The following ARHGAP10 variants were observed in gnomAD, a reference collection of about 807,000 sequenced individuals.
The protein encoded by ARHGAP10 is rho GTPase-activating protein 10.
In ARHGAP10, 87 loss-of-function variants were observed where a neutral mutation model predicts 108.6. The ratio of observed to expected loss-of-function variants is 0.80; its 90% CI spans 0.67 to 0.96. The LOEUF (loss-of-function observed/expected upper bound fraction) is 0.96, where lower values mean the gene tolerates loss of function less well. ARHGAP10 is among the 40% of genes least tolerant of loss of function. The pLI is 0.00. For missense variants in ARHGAP10, 939 were observed against 954.5 expected (o/e 0.98, Z 0.21); for synonymous variants, 347 against 341.1 (o/e 1.02, Z -0.19).
chr4:148,023,459 T>C, intron 19 of ARHGAP10, 46 bp downstream of exon 19: 1 of 1,580,072 alleles, frequency 6.3e-7, no homozygotes, highest in Non-Finnish European at 8.6e-7. Flanking sequence ...GTTGAGAGTA[T>C]GGCGTATCAT....
chr4:147,881,211 T>G (rs1735314290), intron 9 of ARHGAP10, among the ~76,000 whole-genome samples: 1 of 151,880 alleles, frequency 6.6e-6, no homozygotes, highest in Admixed American at 6.6e-5. Context: ...ATTCGGAGTT[T>G]GCAGTGAGCT....
intron 14 of ARHGAP10, among the ~76,000 whole-genome samples, chr4:147,941,843 C>T (rs561099160): frequency 2.0e-5 from 3 of 152,232 alleles, no homozygotes; most frequent in African/African-American, 7.2e-5. Flanking sequence ...TTGCTATTTC[C>T]TAATCACTTA....
chr4:147,886,896 G>C (rs1735590984), intron 10 of ARHGAP10, among the ~76,000 whole-genome samples: 1 of 152,104 alleles, frequency 6.6e-6, no homozygotes, highest in African/African-American at 2.4e-5. Flanking sequence ...TTAGCCTCCT[G>C]AGTAGCTGGG....
At chr4:148,039,119 T>C (rs1247033431) in intron 19 of ARHGAP10, among the ~76,000 whole-genome samples, 1 of 152,154 alleles carries the variant, frequency 6.6e-6, no homozygotes, top group Non-Finnish European at 1.5e-5. Context: ...CCTTTTCTTT[T>C]GTCTTAGATT....
chr4:147,787,222 G>A (rs1730924280), intron 1 of ARHGAP10, among the ~76,000 whole-genome samples: 1 of 152,064 alleles, frequency 6.6e-6, no homozygotes, highest in Admixed American at 6.6e-5. Context: ...GTGACATTCT[G>A]GTAGAAGTAG....
At chr4:148,014,082 G>A (rs1228976017) in intron 18 of ARHGAP10, among the ~76,000 whole-genome samples, 1 of 152,200 alleles carries the variant, frequency 6.6e-6, no homozygotes, top group Non-Finnish European at 1.5e-5. Flanking sequence ...AAAGAAGGAG[G>A]AAGAAGAGGA....
intron 8 of ARHGAP10, among the ~76,000 whole-genome samples, chr4:147,877,516 T>A (rs1339365986): frequency 2.0e-5 from 3 of 152,260 alleles, no homozygotes; most frequent in South Asian, 4.1e-4. Flanking sequence ...GTAGAAACTT[T>A]GTTTGTTTGT....
At chr4:148,049,898 C>G (rs1578827952) in intron 20 of ARHGAP10, among the ~76,000 whole-genome samples, 1 of 150,784 alleles carries the variant, frequency 6.6e-6, no homozygotes, top group East Asian at 2.0e-4. Context: ...GACTGAGTCT[C>G]ACTCTGTCAC....
intron 13 of ARHGAP10, among the ~76,000 whole-genome samples, chr4:147,936,376 C>T (rs1295250926): frequency 3.3e-5 from 4 of 121,476 alleles, no homozygotes; most frequent in African/African-American, 9.2e-5. Context: ...GGCTGGACTG[C>T]GGACTGCAGT....
chr4:147,868,931 T>C (rs977260900), intron 7 of ARHGAP10, among the ~76,000 whole-genome samples: 2 of 151,936 alleles, frequency 1.3e-5, no homozygotes, highest in East Asian at 1.9e-4. Context: ...AGCCTGGGGG[T>C]TGGGGACCCC....
intron 18 of ARHGAP10, among the ~76,000 whole-genome samples, chr4:147,971,053 A>G (rs1179620682): frequency 3.4e-5 from 5 of 146,638 alleles, no homozygotes; most frequent in African/African-American, 1.3e-4. Flanking sequence ...AGATTGCGCC[A>G]CTGCACACCA....
chr4:147,867,929 T>C (rs1252961869), intron 7 of ARHGAP10, among the ~76,000 whole-genome samples: 1 of 9,730 alleles, frequency 1.0e-4, no homozygotes, highest in Non-Finnish European at 5.6e-3. Flanking sequence ...TTTCTAACTT[T>C]TTTTTTTTTT....
chr4:148,023,197 T>A (rs1741635032), intron 18 of ARHGAP10, 66 bp from the exon 19 acceptor site: 1 of 1,564,848 alleles, frequency 6.4e-7, no homozygotes, highest in Non-Finnish European at 8.7e-7. Flanking sequence ...GGTGCTGGTT[T>A]ACTGGAGTAA....
intron 20 of ARHGAP10, among the ~76,000 whole-genome samples, chr4:148,050,534 T>C (rs1729089254): frequency 6.6e-6 from 1 of 151,908 alleles, no homozygotes; most frequent in Non-Finnish European, 1.5e-5. Flanking sequence ...CCACCACGCC[T>C]GGCTAATTTT....
intron 13 of ARHGAP10, among the ~76,000 whole-genome samples, chr4:147,926,520 G>A (rs1025619487): frequency 1.3e-5 from 2 of 152,294 alleles, no homozygotes; most frequent in South Asian, 4.1e-4. Flanking sequence ...AGTAGGTTTG[G>A]GAGGGATAGA....
intron 13 of ARHGAP10, among the ~76,000 whole-genome samples, chr4:147,939,377 A>G (rs562258446): frequency 6.6e-6 from 1 of 152,332 alleles, no homozygotes; most frequent in South Asian, 2.1e-4. Flanking sequence ...GTTTTGCTTT[A>G]GTTTTGAATG....
chr4:147,855,878 G>GA (rs1477163025), intron 4 of ARHGAP10, among the ~76,000 whole-genome samples: 1 of 152,072 alleles, frequency 6.6e-6, no homozygotes, highest in African/African-American at 2.4e-5. Flanking sequence ...CCCATGTGGT[G>GA]AAAAAAGATA....
intron 1 of ARHGAP10, among the ~76,000 whole-genome samples, chr4:147,743,757 A>G (rs1382154853): frequency 1.3e-5 from 2 of 152,318 alleles, no homozygotes; most frequent in South Asian, 2.1e-4. Context: ...AGCCTGGGCA[A>G]CAAGAGTGAA....
chr4:147,972,639 T>G (rs941106225), intron 18 of ARHGAP10, among the ~76,000 whole-genome samples: 2 of 152,186 alleles, frequency 1.3e-5, no homozygotes, highest in Non-Finnish European at 2.9e-5. Flanking sequence ...GTGTCAGGGT[T>G]GTCTAGGGCC....
Sources: gnomAD v4.1 joint callset for allele counts (sites outside exome capture counted in the v4.1 genomes callset) on GRCh38, gnomAD v4.1.1 for gene constraint, MANE v1.5 for transcripts, NCBI Gene and HGNC (gene_info 2026-07-23, HGNC 2026-07-21) for gene names.